The following POU2F1 variants were observed in gnomAD, a reference collection of about 807,000 sequenced individuals.
POU2F1 encodes POU class 2 homeobox 1.
In POU2F1, 16 loss-of-function variants were observed where a neutral mutation model predicts 84.9. That is an observed-to-expected ratio of 0.19 (90% CI 0.13 to 0.29). The LOEUF is 0.29. Among genes scored for constraint, POU2F1 ranks in the 10% least tolerant of loss-of-function variants. The probability of loss-of-function intolerance (pLI) is 1.00; values close to 1 mark genes in which losing one functional copy is unlikely to be tolerated. For synonymous variants in POU2F1, 368 were observed against 368.3 expected, an observed-to-expected ratio of 1.00 and a Z score of 0.01; for missense variants, 738 against 942.6, an observed-to-expected ratio of 0.78 and a Z score of 2.84.
chr1:167,368,159 C>A (rs1183264022), intron 3 of POU2F1, among the ~76,000 whole-genome samples: 1 of 152,170 alleles, frequency 6.6e-6, no homozygotes, highest in East Asian at 1.9e-4. Flanking sequence ...GTTAAGTCTT[C>A]TTCAATCCAG....
At chr1:167,353,409 A>G (rs1658713854) in intron 2 of POU2F1, among the ~76,000 whole-genome samples, 1 of 144,554 alleles carries the variant, frequency 6.9e-6, no homozygotes, top group South Asian at 2.2e-4. Context: ...CGCCTCCATT[A>G]TTTGAATTGT....
chr1:167,231,220 G>T (rs1649039502), intron 1 of POU2F1, among the ~76,000 whole-genome samples: 1 of 152,144 alleles, frequency 6.6e-6, no homozygotes, highest in African/African-American at 2.4e-5. Context: ...TGAGCTAGGT[G>T]AATAGTTTTC....
intron 1 of POU2F1, among the ~76,000 whole-genome samples, chr1:167,303,777 T>C (rs1375088909): frequency 6.6e-6 from 1 of 152,150 alleles, no homozygotes; most frequent in Non-Finnish European, 1.5e-5. Flanking sequence ...CAGCCAGCAA[T>C]GGAAAATAGT....
intron 15 of POU2F1, among the ~76,000 whole-genome samples, chr1:167,414,022 A>G (rs1029575236): frequency 2.0e-5 from 3 of 151,970 alleles, no homozygotes; most frequent in African/African-American, 7.3e-5. Context: ...TGTTTTGTGC[A>G]TAAATGAGAA....
At chr1:167,227,049 G>A (rs1407090881) in intron 1 of POU2F1, among the ~76,000 whole-genome samples, 1 of 152,058 alleles carries the variant, frequency 6.6e-6, no homozygotes, top group African/African-American at 2.4e-5. Context: ...GCCTCCCCAA[G>A]TGCTGGGACT....
intron 2 of POU2F1, among the ~76,000 whole-genome samples, chr1:167,360,533 C>G (rs1557925593): frequency 6.6e-6 from 1 of 152,054 alleles, no homozygotes; most frequent in Non-Finnish European, 1.5e-5. Context: ...GAGGTCTCTA[C>G]TCTGTTATAT....
intron 8 of POU2F1, among the ~76,000 whole-genome samples, chr1:167,386,861 C>CG (rs1210577698): frequency 1.3e-5 from 2 of 151,898 alleles, no homozygotes; most frequent in East Asian, 3.9e-4. Flanking sequence ...TTGCCAGGGA[C>CG]GGGGGGCTAA....
intron 1 of POU2F1, among the ~76,000 whole-genome samples, chr1:167,238,831 T>C (rs752762595): frequency 6.6e-6 from 1 of 152,174 alleles, no homozygotes; most frequent in Non-Finnish European, 1.5e-5. Flanking sequence ...ATTACATTTG[T>C]TGGTGCACAT....
intron 2 of POU2F1, among the ~76,000 whole-genome samples, chr1:167,359,007 G>GT (rs1294422644): frequency 1.3e-5 from 2 of 151,146 alleles, no homozygotes; most frequent in Non-Finnish European, 3.0e-5. Context: ...TTATGTGGAA[G>GT]TTTTTTTTAA....
chr1:167,400,737 T>C (rs1649147424), intron 12 of POU2F1, among the ~76,000 whole-genome samples: 1 of 152,238 alleles, frequency 6.6e-6, no homozygotes, highest in South Asian at 2.1e-4. Context: ...GGGAATATTG[T>C]TGAGTTTGCA....
At chr1:167,276,273 A>G (rs750475110) in intron 1 of POU2F1, among the ~76,000 whole-genome samples, 9 of 152,194 alleles carry the variant, frequency 5.9e-5, no homozygotes, top group Non-Finnish European at 1.0e-4. Context: ...GTAGCGGCCT[A>G]TGTTATCAGA....
Position 167,423,817 on chromosome 1 carries a change from C to T in POU2F1, c.*8007C>T, listed in dbSNP as rs1240327108. On this transcript the variant is annotated 3_prime_UTR_variant, in exon 16 of 16. Coordinates refer to ENST00000367866, the MANE Select transcript of POU2F1 (RefSeq NM_002697.4). ...CACAAGAGCAGCTTAAGGCTTCTTT[C>T]ATAAATTGGCAGTGGCATTGAGTTC... 6.6e-6 allele frequency: 1 copy of T among 152,236 alleles called. No individual in the cohort carries two copies. The highest frequency in any genetic ancestry group is 2.4e-5 in the African/African-American group (1 of 41,450). 9.4% of individuals were successfully genotyped at this position (152,236 alleles called of 1,614,324 possible).
At chr1:167,365,680 T>G in intron 3 of POU2F1, 113 bp downstream of exon 3, 1 of 695,474 alleles carries the variant, frequency 1.4e-6, no homozygotes, top group African/African-American at 1.9e-5. Flanking sequence ...TAAAGCCTAG[T>G]GCTAATTGTG....
At chr1:167,290,725 C>T (rs145255907) in intron 1 of POU2F1, among the ~76,000 whole-genome samples, 2 of 152,232 alleles carry the variant, frequency 1.3e-5, no homozygotes, top group South Asian at 2.1e-4. Context: ...TTTAAAAGAT[C>T]GGCAAAACAT....
intron 1 of POU2F1, among the ~76,000 whole-genome samples, chr1:167,232,003 C>T (rs554506544): frequency 1.3e-5 from 2 of 152,252 alleles, no homozygotes; most frequent in African/African-American, 4.8e-5. Flanking sequence ...CCCTCCTCCC[C>T]CAACACACAC....
intron 1 of POU2F1, among the ~76,000 whole-genome samples, chr1:167,286,228 A>G (rs180897994): frequency 1.3e-5 from 2 of 152,132 alleles, no homozygotes; most frequent in Non-Finnish European, 2.9e-5. Context: ...TGTAACTTTG[A>G]TCTCTTTGCT....
At chr1:167,391,955 A>C (rs189265440) in intron 9 of POU2F1, among the ~76,000 whole-genome samples, 45 of 152,278 alleles carry the variant, frequency 3.0e-4, no homozygotes, top group Admixed American at 9.2e-4. Context: ...ATTTTAGAGG[A>C]AATACAGTTA....
intron 1 of POU2F1, among the ~76,000 whole-genome samples, chr1:167,276,447 T>G (rs1652733669): frequency 6.6e-6 from 1 of 152,136 alleles, no homozygotes; most frequent in Admixed American, 6.5e-5. Context: ...AACTTAATCA[T>G]AGGTATATAT....
At chr1:167,332,668 C>T (rs1435615768) in intron 2 of POU2F1, 133 bp downstream of exon 2, 4 of 612,516 alleles carry the variant, frequency 6.5e-6, no homozygotes, top group Non-Finnish European at 1.1e-5. Flanking sequence ...TGATTCAGTC[C>T]TTTAGGAACT....
Sources: gnomAD v4.1 joint callset for allele counts (sites outside exome capture counted in the v4.1 genomes callset) on GRCh38, gnomAD v4.1.1 for gene constraint, MANE v1.5 for transcripts, NCBI Gene and HGNC (gene_info 2026-07-23, HGNC 2026-07-21) for gene names.